The following ALOX5 variants were observed in gnomAD, a reference collection of about 807,000 sequenced individuals.
The protein encoded by ALOX5 is arachidonate 5-lipoxygenase.
A neutral mutation model predicts 87.9 loss-of-function variants in ALOX5; 64 were observed. The observed-to-expected ratio is 0.73, with a 90% confidence interval of 0.60 to 0.90. The LOEUF (loss-of-function observed/expected upper bound fraction) is 0.90. ALOX5 is among the 40% of genes least tolerant of loss of function. The pLI, the probability that ALOX5 is intolerant of heterozygous loss-of-function variation, is 0.00. For synonymous variants in ALOX5, 388 were observed against 355.1 expected, an observed-to-expected ratio of 1.09 and a Z score of -1.04; for missense variants, 822 against 907.5, an observed-to-expected ratio of 0.91 and a Z score of 1.21.
chr10:45,387,427 A>G (rs1840047930), intron 2 of ALOX5, among the ~76,000 whole-genome samples: 1 of 152,186 alleles, frequency 6.6e-6, no homozygotes, highest in Admixed American at 6.5e-5. Flanking sequence ...TGCTCAGTAT[A>G]AGAATTTCAG....
chr10:45,387,958 A>G (rs4948999), intron 2 of ALOX5, among the ~76,000 whole-genome samples: 105,861 of 152,152 alleles, frequency 0.7, 37,455 homozygotes, highest in East Asian at 0.86. Context: ...GTGGGGGCAG[A>G]ACAGTGGGGG....
chr10:45,445,669 G>C lies in ALOX5; in HGVS notation c.2007G>C (p.Pro669=). 6.2e-7 allele frequency: 1 copy of C among 1,613,704 alleles called. No individual in the cohort carries two copies. Among genetic ancestry groups the C allele is most frequent in the South Asian group, 1.1e-5 (1 of 91,062 alleles). ...PYYYLSPDRI[P]NSVAI Reference sequence around the variant, plus strand: ...ACTACTTGTCCCCAGACCGGATTCCGAACAGTGTGGCCATCTGAGCACACT... The same window carrying C: ...ACTACTTGTCCCCAGACCGGATTCCCAACAGTGTGGCCATCTGAGCACACT... The change falls in exon 14 of 14, where the codon CCG becomes CCC. Residue 669 remains proline, a synonymous_variant. Coordinates refer to ENST00000374391, the MANE Select transcript of ALOX5 (RefSeq NM_000698.5).
chr10:45,415,136 G>A (rs916279003), intron 4 of ALOX5, among the ~76,000 whole-genome samples: 8 of 152,248 alleles, frequency 5.3e-5, no homozygotes, highest in East Asian at 1.9e-4. Context: ...ACATGCACAC[G>A]TATGTTTATT....
At chr10:45,417,115 A>G (rs188024096) in intron 4 of ALOX5, among the ~76,000 whole-genome samples, 2 of 152,000 alleles carry the variant, frequency 1.3e-5, no homozygotes, top group Admixed American at 1.3e-4. Context: ...TGAAAGTGTG[A>G]CCCACCTGGC....
intron 7 of ALOX5, among the ~76,000 whole-genome samples, chr10:45,431,524 G>T (rs1215433501): frequency 6.6e-6 from 1 of 151,254 alleles, no homozygotes; most frequent in Non-Finnish European, 1.5e-5. Context: ...AAAATATAAT[G>T]CCCATATAAG....
chr10:45,420,481 A>C (rs1271190520), intron 4 of ALOX5, among the ~76,000 whole-genome samples: 1 of 152,278 alleles, frequency 6.6e-6, no homozygotes, highest in Non-Finnish European at 1.5e-5. Context: ...GTGGTTCTCA[A>C]AGTATAGCTT....
intron 3 of ALOX5, among the ~76,000 whole-genome samples, chr10:45,408,174 CTG>C (rs1478338573): frequency 2.0e-5 from 3 of 152,156 alleles, no homozygotes; most frequent in Non-Finnish European, 4.4e-5. Context: ...GAGTCACACT[CTG>C]TGAAATATTT....
Position 45,382,634 on chromosome 10 carries a change from A to G in ALOX5, c.302A>G (p.Tyr101Cys), listed in dbSNP as rs760078796. ...GGGGACTACATCGAGTTCCCCTGCT[A>G]CCGCTGGATCACCGGCGATGTCGAG... ...PHGDYIEFPC[Y>C]RWITGDVEVV... The change falls in exon 2 of 14, where the codon TAC becomes TGC. Residue 101 changes from tyrosine to cysteine, a missense_variant. Physicochemically the swap from Tyr to Cys is radical, Grantham distance 194 (BLOSUM62 -2). Coordinates refer to ENST00000374391, the MANE Select transcript of ALOX5 (RefSeq NM_000698.5). 3 of 1,614,034 alleles carry G rather than the reference A, an allele frequency of 1.9e-6. No individual in the cohort carries two copies. The highest frequency in any genetic ancestry group is 2.5e-6 in the Non-Finnish European group (3 of 1,179,982).
chr10:45,443,842 G>C lies in ALOX5; in HGVS notation c.1674+14G>C. On this transcript the variant is annotated intron_variant, in intron 12 of 13. Transcript: ENST00000374391. ...AACTTCGGCCAGGTAGGCAGGGCCGGGCCCGCTGGGCAGGGCTCCCTTCTC... is the reference window on the plus strand; with the variant it reads ...AACTTCGGCCAGGTAGGCAGGGCCGCGCCCGCTGGGCAGGGCTCCCTTCTC... 1 of 1,587,404 alleles carries C rather than the reference G, an allele frequency of 6.3e-7. No homozygotes were observed. The highest frequency in any genetic ancestry group is 8.6e-7 in the Non-Finnish European group (1 of 1,167,804).
Position 45,444,303 on chromosome 10 carries a change from C to T in ALOX5, c.1845+17C>T, listed in dbSNP as rs1333417866. 2.6e-6 allele frequency: 4 copies of T among 1,542,966 alleles called. No homozygotes were observed. Among genetic ancestry groups the T allele is most frequent in the East Asian group, 2.4e-5 (1 of 41,236 alleles). ...GAAAACGAGGTGAAGCTGGGCAGGG[C>T]GGGGCACAGCCCCAGGTCACCCCAG... is the stretch of plus-strand genomic sequence containing the variant. On this transcript the variant is annotated intron_variant, in intron 13 of 13. Coordinates refer to ENST00000374391, the MANE Select transcript of ALOX5 (RefSeq NM_000698.5).
chr10:45,445,947 C>T lies in ALOX5; in HGVS notation c.*260C>T, dbSNP rs1842433503. 9.4e-6 allele frequency: 4 copies of T among 426,070 alleles called. No individual in the cohort carries two copies. The highest frequency in any genetic ancestry group is 6.8e-5 in the East Asian group (2 of 29,460). 26.4% of individuals were successfully genotyped at this position (426,070 alleles called of 1,614,324 possible). ...TCAGCATTTCCACACCAAGCAGCAA[C>T]AGCAAATCACGACCACTGATAGATG... is the stretch of plus-strand genomic sequence containing the variant. On this transcript the variant is annotated 3_prime_UTR_variant, in exon 14 of 14. Transcript: ENST00000374391.
chr10:45,379,168 A>G (rs1265328344), intron 1 of ALOX5, among the ~76,000 whole-genome samples: 3 of 151,884 alleles, frequency 2.0e-5, no homozygotes, highest in Non-Finnish European at 4.4e-5. Context: ...TCCTCAGCCC[A>G]TCTCCCTCCC....
At chr10:45,389,447 G>A (rs1840125707) in intron 2 of ALOX5, among the ~76,000 whole-genome samples, 1 of 152,178 alleles carries the variant, frequency 6.6e-6, no homozygotes, top group Non-Finnish European at 1.5e-5. Context: ...CAGAGAGAAA[G>A]GTCAGGTTAC....
rs1842351253 is a variant in ALOX5, at chr10:45,444,127, C to T, written c.1686C>T (p.Cys562=). 6.5e-7 allele frequency: 1 copy of T among 1,544,910 alleles called. No homozygotes were observed. Among genetic ancestry groups the T allele is most frequent in the Non-Finnish European group, 8.7e-7 (1 of 1,143,080 alleles). ...AAVNFGQYDW[C]SWIPNAPPTM... ...GGTCGTCTCCGCAGTACGACTGGTG[C>T]TCCTGGATCCCCAATGCGCCCCCAA... The change falls in exon 13 of 14, where the codon TGC becomes TGT. Residue 562 remains cysteine (C), a synonymous_variant. Transcript: ENST00000374391.
Position 45,425,623 on chromosome 10 carries a change from G to A in ALOX5, c.834+491G>A, listed in dbSNP as rs1841677679. ...AAATGCTGCTGCCCATGCTCCTGTC[G>A]CACCCTCCTCCCCACCCTCACCTGC... On this transcript the variant is annotated intron_variant, in intron 6 of 13. Coordinates refer to ENST00000374391, the MANE Select transcript of ALOX5 (RefSeq NM_000698.5). The surrounding 1 kb of genome is among the most constrained non-coding windows in gnomAD (Gnocchi z 4.4). 6.6e-6 allele frequency among the ~76,000 whole-genome samples: 1 copy of A among 152,152 alleles called. No homozygotes were observed. The highest frequency in any genetic ancestry group is 6.5e-5 in the Admixed American group (1 of 15,280).
intron 2 of ALOX5, among the ~76,000 whole-genome samples, chr10:45,385,879 C>G (rs1483997287): frequency 6.6e-6 from 1 of 152,112 alleles, no homozygotes; most frequent in South Asian, 2.1e-4. Context: ...AGAATGTGGC[C>G]TGAGTGTCAT....
chr10:45,429,068 G>A (rs1036938205), intron 7 of ALOX5, among the ~76,000 whole-genome samples: 4 of 152,168 alleles, frequency 2.6e-5, no homozygotes, highest in Non-Finnish European at 4.4e-5. Context: ...GGGCCAGGCA[G>A]GTGAAGCTGT....
intron 4 of ALOX5, among the ~76,000 whole-genome samples, chr10:45,422,849 G>T (rs1255704039): frequency 6.6e-6 from 1 of 152,204 alleles, no homozygotes; most frequent in Non-Finnish European, 1.5e-5. Context: ...AGAAGTCCAA[G>T]ATTAGGGTGC....
intron 2 of ALOX5, among the ~76,000 whole-genome samples, chr10:45,391,634 G>C (rs1006111436): frequency 1.3e-5 from 2 of 151,454 alleles, no homozygotes. Flanking sequence ...CCGCCATCCT[G>C]TCTAGGAAGT....
Sources: allele counts gnomAD v4.1 joint callset (sites outside exome capture counted in the v4.1 genomes callset), GRCh38; gene constraint gnomAD v4.1.1; non-coding constraint Gnocchi (gnomAD v3.1); transcripts MANE v1.5; gene names NCBI Gene and HGNC (gene_info 2026-07-23, HGNC 2026-07-21).